EPHA6: variants seen among roughly 807,000 people sequenced by gnomAD.
EPHA6 encodes the protein ephrin type-A receptor 6.
In EPHA6, 50 loss-of-function variants were observed where a neutral mutation model predicts 112.0. The observed-to-expected ratio is 0.45, with a 90% CI of 0.36 to 0.56. EPHA6 has a LOEUF of 0.56. Ranked by LOEUF, EPHA6 falls within the 20% of genes least tolerant of loss-of-function variation. The probability of loss-of-function intolerance (pLI) is 0.00; values close to 1 mark genes in which losing one functional copy is unlikely to be tolerated. For missense variants in EPHA6, 1,280 were observed against 1,417.4 expected (o/e 0.90, Z 1.56); for synonymous variants, 529 against 490.7 (o/e 1.08, Z -1.03).
chr3:97,677,721 T>TAAAAA (rs34686159), intron 14 of EPHA6, among the ~76,000 whole-genome samples: 1 of 92,786 alleles, frequency 1.1e-5, no homozygotes, highest in African/African-American at 4.3e-5. Context: ...AACTCCATCT[T>TAAAAA]AAAAAAAAAA....
At chr3:96,967,869 G>A (rs767718246) in intron 2 of EPHA6, among the ~76,000 whole-genome samples, 2 of 151,718 alleles carry the variant, frequency 1.3e-5, no homozygotes, top group Admixed American at 1.3e-4. Flanking sequence ...ACATGTAGAC[G>A]GCAGTTGGAT....
At position 97,310,354 on chromosome 3, in the gene EPHA6, G is replaced by A. The variant is rs985340917; in HGVS notation, c.1606+66067G>A. Among the ~76,000 whole-genome samples the A allele has an allele frequency of 6.6e-5, 10 of 151,306 alleles. No individual in the cohort carries two copies. The East Asian group carries it at 1.8e-3, about 26-fold the overall frequency. On this transcript the variant is annotated intron_variant, in intron 5 of 17. Coordinates refer to ENST00000389672, the MANE Select transcript of EPHA6 (RefSeq NM_001080448.3). ...TCAATTTGGAAAAGGCAGCCTCTAC[G>A]GACCACTGAGAACCACTAAAATATT...
intron 5 of EPHA6, among the ~76,000 whole-genome samples, chr3:97,328,532 CTAAT>C (rs2082598578): frequency 6.6e-6 from 1 of 152,032 alleles, no homozygotes; most frequent in South Asian, 2.1e-4. Flanking sequence ...TTCACATTCT[CTAAT>C]TGATTGTTTT....
chr3:97,541,594 A>C (rs1007630052), intron 11 of EPHA6, among the ~76,000 whole-genome samples: 1 of 152,048 alleles, frequency 6.6e-6, no homozygotes. Flanking sequence ...ATCACGTCTC[A>C]TTAGTATTTT....
At chr3:97,076,897 C>T (rs945088955) in intron 3 of EPHA6, among the ~76,000 whole-genome samples, 1 of 152,088 alleles carries the variant, frequency 6.6e-6, no homozygotes, top group African/African-American at 2.4e-5. Context: ...GTTTACCGAA[C>T]ATTGTGGAGA....
intron 4 of EPHA6, among the ~76,000 whole-genome samples, chr3:97,229,281 A>G (rs1479639009): frequency 1.3e-5 from 2 of 152,100 alleles, no homozygotes; most frequent in African/African-American, 4.8e-5. Flanking sequence ...CTTGGTCATA[A>G]ACTCTTTGCA....
intron 14 of EPHA6, among the ~76,000 whole-genome samples, chr3:97,659,991 G>A (rs1343567026): frequency 6.6e-6 from 1 of 151,924 alleles, no homozygotes; most frequent in Non-Finnish European, 1.5e-5. Context: ...TCGTAGATGG[G>A]TATTGTTCTT....
At chr3:96,990,751 G>A (rs1405235881) in intron 3 of EPHA6, among the ~76,000 whole-genome samples, 1 of 151,920 alleles carries the variant, frequency 6.6e-6, no homozygotes, top group African/African-American at 2.4e-5. Context: ...GTTGTGTGTT[G>A]CCCCTTTCTT....
intron 2 of EPHA6, among the ~76,000 whole-genome samples, chr3:96,916,354 G>A (rs566890679): frequency 1.3e-5 from 2 of 152,174 alleles, no homozygotes; most frequent in South Asian, 2.1e-4. Flanking sequence ...ATCTTCTTTG[G>A]GGAATCTCCT....
intron 2 of EPHA6, among the ~76,000 whole-genome samples, chr3:96,926,317 C>G (rs199715784): frequency 3.9e-5 from 6 of 152,090 alleles, no homozygotes; most frequent in African/African-American, 1.2e-4. Context: ...GCCCCTTCCT[C>G]GACACATGGG....
chr3:97,641,561 T>C (rs1576171286), intron 14 of EPHA6, among the ~76,000 whole-genome samples: 1 of 152,118 alleles, frequency 6.6e-6, no homozygotes, highest in African/African-American at 2.4e-5. Context: ...TGCCAGACAG[T>C]GGGCGCAGGA....
rs2043082223 is a variant in EPHA6 at position 96,987,980 on chromosome 3, G to C, written c.1101G>C (p.Glu367Asp). 1 of 1,555,826 alleles carries C rather than the reference G, an allele frequency of 6.4e-7. No individual in the cohort carries two copies. Among genetic ancestry groups the C allele is most frequent in the African/African-American group, 1.4e-5 (1 of 73,536 alleles). ...GCAGTACAGGATATGAAGAAATTGA[G>C]GGTTCTTGCCATGGTAAGAAACAAA... ...CICSTGYEEI[E>D]GSCHACRPGF... The change falls in exon 3 of 18, where the codon GAG becomes GAC. Residue 367 changes from glutamate to aspartate, a missense_variant. Transcript: ENST00000389672.
rs1577366117 is a variant in EPHA6, at chr3:97,427,963, T to C, written c.1732-20605T>C. Among the ~76,000 whole-genome samples, 3 of 152,094 alleles carry C rather than the reference T, an allele frequency of 2.0e-5. No homozygotes were observed. In the East Asian group the frequency reaches 5.8e-4, roughly 29 times the overall value. On this transcript the variant is annotated intron_variant, in intron 6 of 17. Transcript: ENST00000389672. ...TGCTGTCTATGGGGCACTATGCTGA[T>C]TACCTGGGTGATAAAATAATCTATA...
At chr3:97,311,514 G>A (rs2081561865) in intron 5 of EPHA6, among the ~76,000 whole-genome samples, 1 of 151,058 alleles carries the variant, frequency 6.6e-6, no homozygotes, top group Non-Finnish European at 1.5e-5. Context: ...TTTTTTGTAT[G>A]CAGATATCAA....
At chr3:97,086,450 CAG>C (rs947488704) in intron 3 of EPHA6, among the ~76,000 whole-genome samples, 6 of 151,804 alleles carry the variant, frequency 4.0e-5, no homozygotes, top group Admixed American at 2.6e-4. Context: ...TTTAAAACAA[CAG>C]AAATATTAAA....
chr3:96,864,910 G>T (rs1001688406), intron 1 of EPHA6, among the ~76,000 whole-genome samples: 4 of 151,956 alleles, frequency 2.6e-5, no homozygotes, highest in African/African-American at 7.2e-5. Context: ...TATATTAAAA[G>T]AGTATTTTGG....
chr3:96,929,073 T>G (rs1416182815), intron 2 of EPHA6, among the ~76,000 whole-genome samples: 1 of 152,200 alleles, frequency 6.6e-6, no homozygotes, highest in Non-Finnish European at 1.5e-5. Flanking sequence ...TTTATCCAGC[T>G]TGAAGATGAC....
chr3:96,843,100 G>A (rs1229866331), intron 1 of EPHA6, among the ~76,000 whole-genome samples: 3 of 152,080 alleles, frequency 2.0e-5, no homozygotes, highest in African/African-American at 4.8e-5. Flanking sequence ...CTTTCTGCAA[G>A]TTGAAAACGT....
In EPHA6 at chr3:97,516,499, C is replaced by T. The variant is rs76156906; in HGVS notation, c.2201-15859C>T. The stretch of plus-strand genomic sequence containing the variant: ...TATCAGGAAGAAATCAGACAGAATT[C>T]ATCATGAGAATACTGGCATTTCATC... On this transcript the variant is annotated intron_variant, in intron 10 of 17. Transcript: ENST00000389672. Among the ~76,000 whole-genome samples, 112 of 152,250 alleles carry T rather than the reference C, an allele frequency of 7.4e-4. 4 individuals carry two copies. The East Asian group carries it at 0.021, about 29-fold the overall frequency.
Sources: allele counts gnomAD v4.1 joint callset (sites outside exome capture counted in the v4.1 genomes callset), GRCh38; gene constraint gnomAD v4.1.1; transcripts MANE v1.5; gene names NCBI Gene and HGNC (gene_info 2026-07-23, HGNC 2026-07-21).